PTGER3: variants seen among roughly 807,000 people sequenced by gnomAD.
The protein encoded by PTGER3 is prostaglandin E receptor 3, also known as prostaglandin E2 receptor EP3 subtype.
In PTGER3, 22 loss-of-function variants were observed where a neutral mutation model predicts 34.7. The observed-to-expected ratio is 0.63, with a 90% CI of 0.45 to 0.91. The LOEUF is 0.91. Among genes scored for constraint, PTGER3 ranks in the 40% least tolerant of loss-of-function variants. The pLI is 0.00. For synonymous variants in PTGER3, 241 were observed against 230.1 expected, an observed-to-expected ratio of 1.05 and a Z score of -0.43; for missense variants, 468 against 519.4, an observed-to-expected ratio of 0.90 and a Z score of 0.96.
intron 2 of PTGER3, among the ~76,000 whole-genome samples, chr1:70,979,968 A>G (rs1395290560): frequency 6.6e-6 from 1 of 152,150 alleles, no homozygotes; most frequent in African/African-American, 2.4e-5. Flanking sequence ...AAATGCAGTT[A>G]TACTGGTCTC....
chr1:70,928,868 T>TACACACACAC (rs34765576), intron 4 of PTGER3, among the ~76,000 whole-genome samples: 23 of 147,172 alleles, frequency 1.6e-4, no homozygotes, highest in Non-Finnish European at 2.7e-4. Context: ...AATTTACAGA[T>TACACACACAC]ACACACACAC....
At position 71,006,628 on chromosome 1, in the gene PTGER3, G is replaced by A. The variant is rs934004865; in HGVS notation, c.1077+5677C>T. ...ACAAAGAAACATCATGTTGAAAATC[G>A]GAAAAGAGCAACTCTCATATTTATA... On this transcript the variant is annotated intron_variant, in intron 2 of 3. Transcript: ENST00000306666. 2.1e-5 allele frequency: 21 copies of A among 978,614 alleles called. No homozygotes were observed. The Admixed American group carries it at 2.5e-4, about 11-fold the overall frequency. 60.6% of individuals were successfully genotyped at this position (978,614 alleles called of 1,614,324 possible). A position where few individuals can be genotyped will look rare whatever the true frequency, so the allele number is the denominator to read the frequency against.
At chr1:71,024,116 C>T (rs983602565) in intron 1 of PTGER3, among the ~76,000 whole-genome samples, 2 of 152,144 alleles carry the variant, frequency 1.3e-5, no homozygotes, top group Non-Finnish European at 2.9e-5. Flanking sequence ...TGTTCTCTAG[C>T]CTAAGTTCTC....
At chr1:70,927,745 A>G (rs1648251286) in intron 4 of PTGER3, among the ~76,000 whole-genome samples, 1 of 152,166 alleles carries the variant, frequency 6.6e-6, no homozygotes, top group East Asian at 1.9e-4. Context: ...GACTCTGGAG[A>G]AACTCTCAGG....
At chr1:70,911,271 G>A (rs1647055788) in intron 4 of PTGER3, among the ~76,000 whole-genome samples, 2 of 150,424 alleles carry the variant, frequency 1.3e-5, no homozygotes, top group Admixed American at 6.7e-5. Flanking sequence ...ATACCTCACT[G>A]TCAGACTTTT....
rs137996092 is a variant in PTGER3 at position 70,954,859 on chromosome 1, C to T, written c.1078-1070G>A. On this transcript the variant is annotated intron_variant, in intron 2 of 3. Coordinates refer to the PTGER3 transcript ENST00000356595. ...CATGACCGTTAAAAAAAAGAAACTA[C>T]AAATATACTACTGAAAATGAAATTA... is the stretch of plus-strand genomic sequence containing the variant. Among the ~76,000 whole-genome samples the T allele has an allele frequency of 2.1e-4, 32 of 151,984 alleles. No individual in the cohort carries two copies. The East Asian group carries it at 6.0e-3, about 29-fold the overall frequency.
At chr1:71,006,534 G>C (rs1160433190) in intron 2 of PTGER3, 2 of 983,994 alleles carry the variant, frequency 2.0e-6, no homozygotes, top group Non-Finnish European at 2.4e-6. Context: ...ACAAGAAAGG[G>C]AAATAACTAA....
intron 1 of PTGER3, among the ~76,000 whole-genome samples, chr1:71,037,854 T>C (rs1406880259): frequency 2.0e-5 from 3 of 152,202 alleles, no homozygotes; most frequent in Admixed American, 2.0e-4. Flanking sequence ...GTTCTTCTTA[T>C]GAAGCAGAGA....
chr1:70,927,064 G>A, intron 4 of PTGER3, among the ~76,000 whole-genome samples: 1 of 152,260 alleles, frequency 6.6e-6, no homozygotes, highest in East Asian at 1.9e-4. Context: ...TTTTTGATGT[G>A]CTTCTGGATT....
At chr1:70,868,753 G>A (rs1362283588) in intron 4 of PTGER3, among the ~76,000 whole-genome samples, 3 of 152,172 alleles carry the variant, frequency 2.0e-5, no homozygotes, top group Non-Finnish European at 4.4e-5. Context: ...ACTCATGCAT[G>A]AGTTCCAATC....
chr1:70,910,566 C>G (rs1258862722), intron 4 of PTGER3, among the ~76,000 whole-genome samples: 1 of 152,120 alleles, frequency 6.6e-6, no homozygotes, highest in Non-Finnish European at 1.5e-5. Flanking sequence ...GAGCCACTGA[C>G]TGTAGCTTTG....
Position 70,935,666 on chromosome 1 carries a change from A to T in PTGER3, c.*23+18097T>A, listed in dbSNP as rs927886157. Among the ~76,000 whole-genome samples, 243 of 41,374 alleles carry T rather than the reference A, an allele frequency of 5.9e-3. 2 individuals are homozygous for T. The highest frequency in any genetic ancestry group is 0.045 in the African/African-American group (237 of 5,244). The allele number at this position is 41,374 out of a possible 152,430, so 27.1% of individuals were successfully genotyped here. On this transcript the variant is annotated intron_variant, in intron 4 of 4. Transcript: ENST00000370931. ...ACATTGTGTTGGTACTAAGGATACA[A>T]ATATAAATATATATATATATATATA...
At chr1:70,877,235 C>T (rs1262348003) in intron 4 of PTGER3, among the ~76,000 whole-genome samples, 1 of 152,064 alleles carries the variant, frequency 6.6e-6, no homozygotes, top group Non-Finnish European at 1.5e-5. Flanking sequence ...GGATTGCATT[C>T]TTGATTTGGC....
intron 3 of PTGER3, 100 bp from the exon 4 acceptor site, chr1:70,971,833 T>C (rs1028639818): frequency 3.0e-5 from 24 of 806,006 alleles, no homozygotes; most frequent in Non-Finnish European, 3.6e-5. Flanking sequence ...GTAATAAATT[T>C]GTTTGCTTTA....
At position 70,953,790 on chromosome 1, in the gene PTGER3, C is replaced by A. The variant is rs1015428732; in HGVS notation, c.1078-1G>T. Reference sequence around the variant, plus strand: ...GCTCTCTGAGTCTTCTTTTTCTCATCTGAAAAAGAGTAATAACAGTATAAG... The same window carrying A: ...GCTCTCTGAGTCTTCTTTTTCTCATATGAAAAAGAGTAATAACAGTATAAG... On this transcript the variant is annotated splice_acceptor_variant, in intron 2 of 3. Transcript: ENST00000356595. LOFTEE classifies it high-confidence loss of function. The A allele has an allele frequency of 3.7e-6, 5 of 1,357,014 alleles. No homozygotes were observed. The allele number at this position is 1,357,014 out of a possible 1,614,324, so 84.1% of individuals were successfully genotyped here.
intron 4 of PTGER3, among the ~76,000 whole-genome samples, chr1:70,928,895 A>T (rs867398022): frequency 2.1e-4 from 31 of 144,266 alleles, no homozygotes; most frequent in Admixed American, 6.8e-4. Flanking sequence ...ACACACACAC[A>T]CTATATATAT....
intron 2 of PTGER3, among the ~76,000 whole-genome samples, chr1:70,963,746 GC>G (rs1337333174): frequency 6.6e-6 from 1 of 152,126 alleles, no homozygotes; most frequent in Admixed American, 6.5e-5. Context: ...TCTCCAACAT[GC>G]CCTGGAGACA....
At chr1:71,026,112 T>C (rs1658904130) in intron 1 of PTGER3, among the ~76,000 whole-genome samples, 1 of 152,202 alleles carries the variant, frequency 6.6e-6, no homozygotes, top group Non-Finnish European at 1.5e-5. Context: ...TACTCAGTAT[T>C]GGCATCAGGA....
intron 2 of PTGER3, among the ~76,000 whole-genome samples, chr1:70,981,474 C>T (rs1027720702): frequency 6.6e-6 from 1 of 151,070 alleles, no homozygotes; most frequent in Non-Finnish European, 1.5e-5. Context: ...AGCGCAGTGG[C>T]ACAATCACAG....
Sources: gnomAD v4.1 joint callset for allele counts (sites outside exome capture counted in the v4.1 genomes callset) on GRCh38, gnomAD v4.1.1 for gene constraint, MANE v1.5 for transcripts, NCBI Gene and HGNC (gene_info 2026-07-23, HGNC 2026-07-21) for gene names.